The following CIT variants were observed in gnomAD, a reference collection of about 807,000 sequenced individuals.
CIT encodes citron rho-interacting serine/threonine kinase.
Under a neutral mutation model 272.7 loss-of-function variants are expected in CIT, and 79 were observed. That is an observed-to-expected ratio of 0.29 (90% CI 0.24 to 0.35). CIT has a LOEUF of 0.35. Ranked by LOEUF, CIT falls within the 10% of genes least tolerant of loss-of-function variation. The pLI, the probability that CIT is intolerant of heterozygous loss-of-function variation, is 1.00. For synonymous variants in CIT, 948 were observed against 995.6 expected, an observed-to-expected ratio of 0.95 and a Z score of 0.90; for missense variants, 1,909 against 2,618.3, an observed-to-expected ratio of 0.73 and a Z score of 5.91.
At chr12:119,820,270 G>A (rs1479089764) in intron 9 of CIT, among the ~76,000 whole-genome samples, 3 of 152,192 alleles carry the variant, frequency 2.0e-5, no homozygotes, top group Non-Finnish European at 2.9e-5. Flanking sequence ...AACACTGGGG[G>A]CTGGGTGCGG....
At chr12:119,735,385 C>T (rs377649643) in intron 24 of CIT, 28 bp from the exon 25 acceptor site, 35 of 1,604,058 alleles carry the variant, frequency 2.2e-5, no homozygotes, top group South Asian at 4.4e-5. Context: ...TCCAGTTACA[C>T]GCCAAGCACA....
At chr12:119,846,882 A>G (rs931777558) in intron 5 of CIT, among the ~76,000 whole-genome samples, 2 of 151,710 alleles carry the variant, frequency 1.3e-5, no homozygotes, top group African/African-American at 2.4e-5. Context: ...CAGAGACATC[A>G]TCACTTAAAA....
intron 32 of CIT, 23 bp from the exon 33 acceptor site, chr12:119,714,357 A>C (rs1353008125): frequency 6.2e-7 from 1 of 1,613,678 alleles, no homozygotes; most frequent in Admixed American, 1.7e-5. Flanking sequence ...GTTTTAAAAA[A>C]TCATTAGAGT....
intron 2 of CIT, 54 bp from the exon 3 acceptor site, chr12:119,869,255 CAATAACATCCACACAGAGTA>C (rs1023576717): frequency 5.9e-6 from 9 of 1,536,856 alleles, no homozygotes; most frequent in Non-Finnish European, 6.1e-6. Flanking sequence ...AAGCTTTGAT[CAATAACATCCACACAGAGTA>C]AATTACAAGC....
At chr12:119,714,856 T>G (rs763302021) in intron 32 of CIT, among the ~76,000 whole-genome samples, 23 of 152,196 alleles carry the variant, frequency 1.5e-4, no homozygotes, top group Non-Finnish European at 2.8e-4. Context: ...TGAAAACATA[T>G]GTACCCACAA....
At chr12:119,765,153 T>C (rs539514489) in intron 19 of CIT, among the ~76,000 whole-genome samples, 1 of 151,960 alleles carries the variant, frequency 6.6e-6, no homozygotes, top group African/African-American at 2.4e-5. Context: ...GAAGAGACAA[T>C]ATTTGAGATA....
intron 9 of CIT, among the ~76,000 whole-genome samples, chr12:119,818,702 A>G (rs949383204): frequency 3.3e-5 from 5 of 152,208 alleles, no homozygotes; most frequent in Admixed American, 3.3e-4. Context: ...CTCAAGAGAA[A>G]AAGCCCATGT....
chr12:119,716,464 G>C (rs1228245585), intron 32 of CIT, among the ~76,000 whole-genome samples: 1 of 135,086 alleles, frequency 7.4e-6, no homozygotes, highest in Admixed American at 7.7e-5. Context: ...GGAAGAAAAT[G>C]ACTTCAGGCT....
At chr12:119,858,336 G>C (rs2138312740) in intron 3 of CIT, among the ~76,000 whole-genome samples, 1 of 152,146 alleles carries the variant, frequency 6.6e-6, no homozygotes, top group African/African-American at 2.4e-5. Flanking sequence ...GGCCAACATG[G>C]TGAAACCCCA....
chr12:119,761,110 G>T, intron 19 of CIT, 55 bp from the exon 20 acceptor site: 2 of 1,220,258 alleles, frequency 1.6e-6, no homozygotes, highest in Non-Finnish European at 2.4e-6. Context: ...GAGGAGGGAA[G>T]ACTAAACGGG....
Position 119,761,058 on chromosome 12 carries a change from A to G in CIT, c.2305-3T>C. The G allele has an allele frequency of 6.3e-7, 1 of 1,599,828 alleles. No homozygotes were observed. Among genetic ancestry groups the G allele is most frequent in the Non-Finnish European group, 8.6e-7 (1 of 1,166,958 alleles). ...TTCTTTATCTGATTGTCCAACACCT[A>G]CAAAAACAAAAGCAGCAGCAAATGT... On this transcript the variant is annotated splice_region_variant and splice_polypyrimidine_tract_variant and intron_variant, in intron 19 of 47. Coordinates refer to ENST00000392521, the MANE Select transcript of CIT (RefSeq NM_001206999.2).
chr12:119,769,549 C>G (rs1052738256), intron 18 of CIT, among the ~76,000 whole-genome samples: 1 of 152,070 alleles, frequency 6.6e-6, no homozygotes, highest in South Asian at 2.1e-4. Context: ...TTAACCACTC[C>G]GTTTATACCA....
intron 23 of CIT, among the ~76,000 whole-genome samples, chr12:119,747,503 A>G (rs912561372): frequency 5.3e-5 from 8 of 151,606 alleles, no homozygotes; most frequent in African/African-American, 1.7e-4. Flanking sequence ...GGTGGATCAC[A>G]AGGTCAAGAG....
intron 40 of CIT, 60 bp downstream of exon 40, chr12:119,708,119 A>C: frequency 7.0e-7 from 1 of 1,431,574 alleles, no homozygotes; most frequent in Non-Finnish European, 9.2e-7. Context: ...GCTCTGTGGG[A>C]AGAGAGGTAG....
Position 119,697,926 on chromosome 12 carries a change from C to T in CIT, c.5702+50G>A. The T allele has an allele frequency of 3.1e-6, 5 of 1,613,362 alleles. No individual in the cohort carries two copies. Among genetic ancestry groups the T allele is most frequent in the Non-Finnish European group, 4.2e-6 (5 of 1,179,304 alleles). ...GGAAGGAACATGCGGCCGGCCCCAACACCTACCCCAATAGCTGAAGTTTTC... is the reference window on the plus strand; with the variant it reads ...GGAAGGAACATGCGGCCGGCCCCAATACCTACCCCAATAGCTGAAGTTTTC... On this transcript the variant is annotated intron_variant, in intron 45 of 47. Transcript: ENST00000392521. The surrounding 1 kb of genome is among the most constrained non-coding windows in gnomAD (Gnocchi z 4.9).
intron 19 of CIT, 35 bp from the exon 20 acceptor site, chr12:119,761,090 G>T: frequency 7.0e-7 from 1 of 1,431,808 alleles, no homozygotes; most frequent in South Asian, 1.1e-5. Flanking sequence ...ATGTTCTCAG[G>T]AGCCAAGCTG....
At chr12:119,846,967 C>G (rs1969851120) in intron 5 of CIT, among the ~76,000 whole-genome samples, 1 of 147,854 alleles carries the variant, frequency 6.8e-6, no homozygotes, top group African/African-American at 2.5e-5. Context: ...AACAAAAGCC[C>G]TGTTGTTTCA....
chr12:119,711,097 T>C (rs1314279663), intron 37 of CIT: 2 of 1,366,696 alleles, frequency 1.5e-6, no homozygotes, highest in Middle Eastern at 2.1e-4. Context: ...CGCGGGCCTA[T>C]TGTACACATA....
intron 39 of CIT, among the ~76,000 whole-genome samples, chr12:119,708,525 G>A (rs191529357): frequency 6.6e-6 from 1 of 151,458 alleles, no homozygotes; most frequent in African/African-American, 2.4e-5. Context: ...TTGCTCTGTT[G>A]CCCACACTGG....
Sources: gnomAD v4.1 joint callset for allele counts (sites outside exome capture counted in the v4.1 genomes callset) on GRCh38, gnomAD v4.1.1 for gene constraint, Gnocchi (gnomAD v3.1) non-coding constraint, MANE v1.5 for transcripts, NCBI Gene and HGNC (gene_info 2026-07-23, HGNC 2026-07-21) for gene names.